Variants in DLGAP4 observed in about 807,000 individuals in gnomAD.
DLGAP4 encodes disks large-associated protein 4.
Under a neutral mutation model 86.9 loss-of-function variants are expected in DLGAP4, and 18 were observed. That is an observed-to-expected ratio of 0.21 (90% confidence interval 0.14 to 0.31). The LOEUF (loss-of-function observed/expected upper bound fraction) is 0.31, where lower values mean the gene tolerates loss of function less well. Among genes scored for constraint, DLGAP4 ranks in the 10% least tolerant of loss-of-function variants. DLGAP4 has a pLI of 1.00. For missense variants in DLGAP4, 1,085 were observed against 1,362.6 expected (o/e 0.80, Z 3.21); for synonymous variants, 548 against 574.3 (o/e 0.95, Z 0.65).
intron 7 of DLGAP4, among the ~76,000 whole-genome samples, chr20:36,460,670 G>T (rs371950859): frequency 6.6e-6 from 1 of 152,320 alleles, no homozygotes; most frequent in Middle Eastern, 3.4e-3. Flanking sequence ...ACAAGGCAGC[G>T]ACAGGACCTG....
intron 2 of DLGAP4, among the ~76,000 whole-genome samples, chr20:36,406,290 C>T (rs2147492693): frequency 6.6e-6 from 1 of 150,784 alleles, no homozygotes; most frequent in East Asian, 2.0e-4. Flanking sequence ...CCCAGCTACT[C>T]AGGAGGCTGA....
intron 2 of DLGAP4, among the ~76,000 whole-genome samples, chr20:36,378,042 C>G (rs2031227019): frequency 6.6e-6 from 1 of 152,172 alleles, no homozygotes; most frequent in Admixed American, 6.5e-5. Flanking sequence ...TCTTACCAGC[C>G]CAGCTGTCCC....
intron 3 of DLGAP4, among the ~76,000 whole-genome samples, chr20:36,433,148 G>A (rs544304894): frequency 6.6e-6 from 1 of 152,176 alleles, no homozygotes; most frequent in Admixed American, 6.5e-5. Flanking sequence ...TGCAGGAAGT[G>A]CTCAGGAAAT....
At chr20:36,437,773 A>G (rs796355202) in intron 4 of DLGAP4, among the ~76,000 whole-genome samples, 3 of 152,296 alleles carry the variant, frequency 2.0e-5, no homozygotes, top group African/African-American at 7.2e-5. Context: ...CCTAGGCAGG[A>G]AGAGGGCAGT....
intron 1 of DLGAP4, among the ~76,000 whole-genome samples, chr20:36,317,442 TCC>T (rs1322714269): frequency 6.9e-3 from 5 of 724 alleles, no homozygotes; most frequent in Admixed American, 0.016. Context: ...CTTTCTTTTC[TCC>T]TTTCTTTTCC....
rs1251577257 is a variant in DLGAP4, at chr20:36,525,783, TG to T, written c.2605-62del. The T allele has an allele frequency of 4.4e-5, 70 of 1,591,852 alleles. No homozygotes were observed. In the East Asian group the frequency reaches 1.5e-3, roughly 34 times the overall value. ...CAGGGCCCAGAGGAACCCTGCTTGTTGGGGGGTTGGGGGGAGCAGGACAAGC... is the reference window on the plus strand; with the variant it reads ...CAGGGCCCAGAGGAACCCTGCTTGTTGGGGGTTGGGGGGAGCAGGACAAGC... On this transcript the variant is annotated intron_variant, in intron 11 of 12. Transcript: ENST00000339266.
At chr20:36,468,296 G>A (rs558719189) in intron 7 of DLGAP4, among the ~76,000 whole-genome samples, 54 of 152,368 alleles carry the variant, frequency 3.5e-4, no homozygotes, top group African/African-American at 1.1e-3. Flanking sequence ...CCCAGCCAAC[G>A]CAATCAGTCA....
intron 7 of DLGAP4, among the ~76,000 whole-genome samples, chr20:36,461,182 G>A (rs1267807348): frequency 6.6e-6 from 1 of 152,018 alleles, no homozygotes; most frequent in Non-Finnish European, 1.5e-5. Flanking sequence ...TTGGCGAGGC[G>A]GTTCGAGGGG....
intron 2 of DLGAP4, among the ~76,000 whole-genome samples, chr20:36,387,386 G>T (rs1471320607): frequency 1.3e-5 from 2 of 152,162 alleles, no homozygotes; most frequent in Non-Finnish European, 2.9e-5. Context: ...AATTTGTAAA[G>T]AGGTTTATAT....
intron 2 of DLGAP4, among the ~76,000 whole-genome samples, chr20:36,381,995 A>C (rs2031411181): frequency 6.6e-6 from 1 of 152,154 alleles, no homozygotes; most frequent in Non-Finnish European, 1.5e-5. Flanking sequence ...TGAGTCTGGC[A>C]GCTTGTTGAC....
chr20:36,413,224 C>T (rs1470352123), intron 2 of DLGAP4, among the ~76,000 whole-genome samples: 1 of 151,844 alleles, frequency 6.6e-6, no homozygotes, highest in African/African-American at 2.4e-5. Flanking sequence ...ATGATCCACC[C>T]ACCTCGGGCT....
At chr20:36,334,933 C>T (rs1173226729) in intron 1 of DLGAP4, among the ~76,000 whole-genome samples, 1 of 152,104 alleles carries the variant, frequency 6.6e-6, no homozygotes, top group Non-Finnish European at 1.5e-5. Context: ...GATTGCCCCC[C>T]GGGGGTGGCA....
chr20:36,418,258 C>T (rs1365136758), intron 2 of DLGAP4, among the ~76,000 whole-genome samples: 1 of 150,974 alleles, frequency 6.6e-6, no homozygotes, highest in Non-Finnish European at 1.5e-5. Context: ...GGATTACAGG[C>T]GCTCACTGCC....
At chr20:36,371,841 A>G (rs2147424563) in intron 2 of DLGAP4, among the ~76,000 whole-genome samples, 1 of 152,290 alleles carries the variant, frequency 6.6e-6, no homozygotes, top group Admixed American at 6.5e-5. Context: ...TGGAAACTGC[A>G]CAGTGCTCTT....
intron 2 of DLGAP4, among the ~76,000 whole-genome samples, chr20:36,384,757 C>T (rs2031534671): frequency 1.3e-5 from 2 of 152,070 alleles, no homozygotes; most frequent in South Asian, 4.2e-4. Context: ...GAGGTTTGAG[C>T]CAGAAAGGAA....
chr20:36,369,054 G>A (rs886173633), intron 2 of DLGAP4, among the ~76,000 whole-genome samples: 1 of 152,220 alleles, frequency 6.6e-6, no homozygotes, highest in Admixed American at 6.5e-5. Context: ...GCACGAGCTG[G>A]GTGAGCAGCC....
rs1283714823 is a variant in DLGAP4, at chr20:36,527,292, G to A, written c.*261G>A. The A allele has an allele frequency of 5.6e-6, 2 of 359,346 alleles. No homozygotes were observed. The highest frequency in any genetic ancestry group is 1.0e-5 in the Non-Finnish European group (2 of 196,032). 22.3% of individuals were successfully genotyped at this position (359,346 alleles called of 1,614,324 possible). A position where few individuals can be genotyped will look rare whatever the true frequency, so the allele number is the denominator to read the frequency against. ...TTTTTTTTTCCTCTTGCTGGCCGTG[G>A]TGGACTAGATAGATGGACGTCGGCA... On this transcript the variant is annotated 3_prime_UTR_variant, in exon 13 of 13. Coordinates refer to ENST00000339266, the MANE Select transcript of DLGAP4 (RefSeq NM_001365621.2).
chr20:36,433,648 TC>T (rs1268938454), intron 3 of DLGAP4, among the ~76,000 whole-genome samples: 75 of 151,750 alleles, frequency 4.9e-4, no homozygotes, highest in African/African-American at 1.7e-3. Flanking sequence ...GATGAGTATT[TC>T]TTTTTTTTTT....
intron 6 of DLGAP4, 60 bp from the exon 7 acceptor site, chr20:36,446,637 C>G: frequency 6.6e-7 from 1 of 1,515,804 alleles, no homozygotes; most frequent in South Asian, 1.2e-5. Context: ...CCACCAAGAA[C>G]CGCTCCCCCC....
Sources: allele counts gnomAD v4.1 joint callset (sites outside exome capture counted in the v4.1 genomes callset), GRCh38; gene constraint gnomAD v4.1.1; transcripts MANE v1.5; gene names NCBI Gene and HGNC (gene_info 2026-07-23, HGNC 2026-07-21).